TAMM41: variants seen among roughly 807,000 people sequenced by gnomAD.
TAMM41 encodes the protein phosphatidate cytidylyltransferase, mitochondrial.
A neutral mutation model predicts 44.1 loss-of-function variants in TAMM41; 36 were observed. That is an observed-to-expected ratio of 0.82 (90% CI 0.63 to 1.08). The LOEUF is 1.08. Among genes scored for constraint, TAMM41 ranks in the 50% least tolerant of loss-of-function variants. TAMM41 has a pLI of 0.00. For missense variants in TAMM41, 417 were observed against 404.3 expected (o/e 1.03, Z -0.27); for synonymous variants, 164 against 153.1 (o/e 1.07, Z -0.53).
intron 7 of TAMM41, among the ~76,000 whole-genome samples, chr3:11,793,968 ATT>A (rs1471228378): frequency 6.6e-6 from 1 of 152,090 alleles, no homozygotes; most frequent in African/African-American, 2.4e-5. Context: ...CTACCAGAAA[ATT>A]TAGAATCTTT....
chr3:11,832,292 A>G (rs1559315795), intron 3 of TAMM41, among the ~76,000 whole-genome samples: 1 of 152,146 alleles, frequency 6.6e-6, no homozygotes, highest in Admixed American at 6.5e-5. Context: ...ACAAAAAAAA[A>G]AAATCCACAA....
At chr3:11,751,422 C>CTTCTTGGA in the TAMM41 span, among the ~76,000 whole-genome samples, 1 of 152,194 alleles carries the variant, frequency 6.6e-6, no homozygotes, top group Non-Finnish European at 1.5e-5. Flanking sequence ...CAAGCAGCAT[C>CTTCTTGGA]TTCTTGGACA....
the TAMM41 span, among the ~76,000 whole-genome samples, chr3:11,774,870 AT>A: frequency 1.0e-3 from 146 of 139,258 alleles, no homozygotes; most frequent in Non-Finnish European, 1.3e-3. Flanking sequence ...CATTGAAAGC[AT>A]TTTTTTTTTT....
chr3:11,817,968 A>G (rs1428669008), intron 4 of TAMM41, among the ~76,000 whole-genome samples: 1 of 152,234 alleles, frequency 6.6e-6, no homozygotes, highest in African/African-American at 2.4e-5. Flanking sequence ...CCTAATTCTG[A>G]AAGACAAAAG....
chr3:11,791,787 A>C (rs188557075), intron 7 of TAMM41, among the ~76,000 whole-genome samples: 2 of 152,034 alleles, frequency 1.3e-5, no homozygotes, highest in East Asian at 3.9e-4. Context: ...ACTTCCAGAC[A>C]CTCTGGCTTC....
chr3:11,826,769 T>C (rs1448755532), intron 4 of TAMM41: 2 of 152,156 alleles, frequency 1.3e-5, no homozygotes, highest in Non-Finnish European at 2.9e-5. Context: ...ATGAGTGACC[T>C]TAGACAGGGA....
At chr3:11,801,532 C>T (rs1261660463) in intron 7 of TAMM41, among the ~76,000 whole-genome samples, 1 of 152,028 alleles carries the variant, frequency 6.6e-6, no homozygotes, top group Non-Finnish European at 1.5e-5. Flanking sequence ...TTCCACGTTG[C>T]CCAGGCTGGT....
At chr3:11,725,858 G>A in the TAMM41 span, among the ~76,000 whole-genome samples, 1 of 152,204 alleles carries the variant, frequency 6.6e-6, no homozygotes, top group Non-Finnish European at 1.5e-5. Context: ...CATGGTCCAT[G>A]TGGGCGTGGG....
intron 7 of TAMM41, among the ~76,000 whole-genome samples, chr3:11,795,843 G>T (rs1203151120): frequency 6.6e-6 from 1 of 152,174 alleles, no homozygotes; most frequent in Admixed American, 6.5e-5. Context: ...TGAGATGTGA[G>T]GTCATCTGCT....
rs1212575608 is a variant in TAMM41 at position 11,807,301 on chromosome 3, G to C, written c.937+532C>G. On this transcript the variant is annotated intron_variant, in intron 7 of 7. Coordinates refer to ENST00000455809, the MANE Select transcript of TAMM41 (RefSeq NM_001284401.2). ...TATTAGGAGGACAGAGGGATGGGAG[G>C]GTGCGTACATTTGATGAGGGTGGGT... 5 of 1,443,674 alleles carry C rather than the reference G, an allele frequency of 3.5e-6. No homozygotes were observed. The East Asian group carries it at 9.9e-5, about 29-fold the overall frequency. 89.4% of individuals were successfully genotyped at this position (1,443,674 alleles called of 1,614,324 possible). A position where few individuals can be genotyped will look rare whatever the true frequency, so the allele number is the denominator to read the frequency against.
intron 4 of TAMM41, among the ~76,000 whole-genome samples, chr3:11,822,985 A>G (rs903670157): frequency 2.0e-5 from 3 of 152,206 alleles, no homozygotes; most frequent in African/African-American, 7.2e-5. Context: ...ACCACTTTAC[A>G]ATCTAATCAG....
At chr3:11,725,192 CCCTCCTCCTTCT>C in the TAMM41 span, among the ~76,000 whole-genome samples, 4 of 128,446 alleles carry the variant, frequency 3.1e-5, no homozygotes, top group Non-Finnish European at 5.0e-5. Context: ...CTCTTTTGCT[CCCTCCTCCTTCT>C]CCTCCTCCTT....
the TAMM41 span, among the ~76,000 whole-genome samples, chr3:11,743,115 A>G: frequency 6.6e-6 from 1 of 152,126 alleles, no homozygotes; most frequent in Non-Finnish European, 1.5e-5. Context: ...GACAAGGATG[A>G]GAGCAGAGGC....
the TAMM41 span, among the ~76,000 whole-genome samples, chr3:11,738,954 T>C: frequency 6.6e-6 from 1 of 152,230 alleles, no homozygotes; most frequent in South Asian, 2.1e-4. Context: ...TGCTGCCTGT[T>C]CTGGGCCCAG....
At chr3:11,725,318 C>CCTCCTCCTCCTTTTTTTCTT in the TAMM41 span, among the ~76,000 whole-genome samples, 1 of 66,196 alleles carries the variant, frequency 1.5e-5, no homozygotes, top group East Asian at 1.2e-3. Flanking sequence ...TTTTTCTTCT[C>CCTCCTCCTCCTTTTTTTCTT]CTCCTCCTCC....
the TAMM41 span, among the ~76,000 whole-genome samples, chr3:11,730,721 G>A: frequency 6.6e-6 from 1 of 152,094 alleles, no homozygotes; most frequent in African/African-American, 2.4e-5. Context: ...GCGACAGTGT[G>A]AGACTACATC....
At chr3:11,724,636 G>A in the TAMM41 span, among the ~76,000 whole-genome samples, 3 of 150,432 alleles carry the variant, frequency 2.0e-5, no homozygotes, top group Admixed American at 6.6e-5. Flanking sequence ...AGTTGGTCTC[G>A]AACTCCTGAC....
intron 1 of TAMM41, 98 bp from the exon 2 acceptor site, chr3:11,844,309 A>G (rs1356458568): frequency 1.7e-6 from 2 of 1,178,556 alleles, no homozygotes; most frequent in African/African-American, 3.1e-5. Flanking sequence ...ATTATGATCA[A>G]TAGTCAGAAG....
rs541352924 is a variant in TAMM41, at chr3:11,846,667, C to G, written c.-31G>C. 1 of 1,613,790 alleles carries G rather than the reference C, an allele frequency of 6.2e-7. No individual in the cohort carries two copies. Among genetic ancestry groups the G allele is most frequent in the South Asian group, 1.1e-5 (1 of 91,056 alleles). ...CGAGGCTAACAGGGGACACTCAGCG[C>G]AGCAGGGCGAGGACAACCGGGCGGG... On this transcript the variant is annotated 5_prime_UTR_variant, in exon 1 of 8. Transcript: ENST00000455809.
Sources: gnomAD v4.1 joint callset for allele counts (sites outside exome capture counted in the v4.1 genomes callset) on GRCh38, gnomAD v4.1.1 for gene constraint, MANE v1.5 for transcripts, NCBI Gene and HGNC (gene_info 2026-07-23, HGNC 2026-07-21) for gene names.